Variants in HACE1 observed in about 807,000 individuals in gnomAD.
HACE1 encodes E3 ubiquitin-protein ligase HACE1.
In HACE1, 73 loss-of-function variants were observed where a neutral mutation model predicts 118.4. The ratio of observed to expected loss-of-function variants is 0.62; its 90% CI spans 0.51 to 0.75. The LOEUF is 0.75. Among genes scored for constraint, HACE1 ranks in the 30% least tolerant of loss-of-function variants. The pLI is 0.00. For synonymous variants in HACE1, 368 were observed against 374.8 expected, an observed-to-expected ratio of 0.98 and a Z score of 0.21; for missense variants, 749 against 1,102.2, an observed-to-expected ratio of 0.68 and a Z score of 4.54.
At chr6:104,783,912 T>C (rs955778136) in intron 14 of HACE1, among the ~76,000 whole-genome samples, 174 bp downstream of exon 14, 2 of 152,240 alleles carry the variant, frequency 1.3e-5, no homozygotes, top group African/African-American at 2.4e-5. Context: ...CTGTACATAG[T>C]AGGCACTCAG....
At chr6:104,855,826 A>C (rs1776665296) in intron 1 of HACE1, among the ~76,000 whole-genome samples, 2 of 152,218 alleles carry the variant, frequency 1.3e-5, no homozygotes, top group Non-Finnish European at 2.9e-5. Context: ...ACTTAAATCA[A>C]GATAAACTTT....
chr6:104,807,659 T>C (rs1339857403), intron 7 of HACE1, among the ~76,000 whole-genome samples: 2 of 152,020 alleles, frequency 1.3e-5, no homozygotes, highest in East Asian at 3.9e-4. Context: ...GAAATATTGG[T>C]AGAAGTCATA....
chr6:104,766,948 G>A (rs936663440), intron 19 of HACE1: 3 of 152,172 alleles, frequency 2.0e-5, no homozygotes, highest in African/African-American at 7.2e-5. Context: ...ATATGCTTCT[G>A]TTTCCTCACC....
chr6:104,736,224 CTTTTA>C (rs1043377891), intron 22 of HACE1, among the ~76,000 whole-genome samples: 8 of 151,420 alleles, frequency 5.3e-5, no homozygotes, highest in African/African-American at 1.9e-4. Flanking sequence ...AAAAGTTTTT[CTTTTA>C]TATTTTTAGT....
At chr6:104,737,281 T>A (rs6916033) in intron 22 of HACE1, among the ~76,000 whole-genome samples, 6 of 49,630 alleles carry the variant, frequency 1.2e-4, no homozygotes, top group African/African-American at 4.4e-4. Context: ...AGACTCTCTC[T>A]CAAAAAAAAA....
At position 104,822,040 on chromosome 6, in the gene HACE1, T is replaced by C. The variant is rs374279384; in HGVS notation, c.535-10647A>G. Among the ~76,000 whole-genome samples, 3 of 151,902 alleles carry C rather than the reference T, an allele frequency of 2.0e-5. No homozygotes were observed. In the East Asian group the frequency reaches 5.8e-4, roughly 29 times the overall value. On this transcript the variant is annotated intron_variant, in intron 6 of 23. Transcript: ENST00000262903. ...CTGGGCAACATAGTGAGACCACCATTTCTACAAAAGAAAGTCATAATTTTT... is the reference window on the plus strand; with the variant it reads ...CTGGGCAACATAGTGAGACCACCATCTCTACAAAAGAAAGTCATAATTTTT...
At chr6:104,834,005 A>T (rs1441333036) in intron 5 of HACE1, among the ~76,000 whole-genome samples, 1 of 152,126 alleles carries the variant, frequency 6.6e-6, no homozygotes, top group Non-Finnish European at 1.5e-5. Context: ...TTAGCTGGCC[A>T]TGGTGGCATA....
intron 4 of HACE1, among the ~76,000 whole-genome samples, chr6:104,847,424 T>G (rs769047341): frequency 2.0e-5 from 3 of 152,232 alleles, no homozygotes; most frequent in Non-Finnish European, 4.4e-5. Context: ...TGTGACACAT[T>G]ACAAGATATC....
intron 5 of HACE1, among the ~76,000 whole-genome samples, chr6:104,835,071 T>C (rs1370180323): frequency 6.6e-6 from 1 of 152,234 alleles, no homozygotes; most frequent in African/African-American, 2.4e-5. Context: ...ACGCAGACTG[T>C]TAACATCTTC....
chr6:104,730,610 C>T (rs189445559), intron 22 of HACE1, 194 bp from the exon 23 acceptor site: 6 of 569,144 alleles, frequency 1.1e-5, no homozygotes, highest in East Asian at 6.2e-5. Flanking sequence ...CATGGAGACA[C>T]CCCTCCACAT....
intron 6 of HACE1, among the ~76,000 whole-genome samples, chr6:104,823,312 T>C (rs1429309376): frequency 1.3e-5 from 2 of 151,936 alleles, no homozygotes; most frequent in East Asian, 3.9e-4. Flanking sequence ...TGGGCACCTG[T>C]AATCCCAGCT....
intron 20 of HACE1, among the ~76,000 whole-genome samples, chr6:104,749,549 C>T (rs12206906): frequency 0.11 from 16,816 of 152,010 alleles, 959 homozygotes; most frequent in East Asian, 0.16. Flanking sequence ...AACTAATTTT[C>T]TGAGACAGAA....
At chr6:104,750,911 T>A (rs1439290136) in intron 19 of HACE1, among the ~76,000 whole-genome samples, 1 of 152,200 alleles carries the variant, frequency 6.6e-6, no homozygotes, top group African/African-American at 2.4e-5. Context: ...GATATACATG[T>A]GTGTGTATGT....
intron 22 of HACE1, among the ~76,000 whole-genome samples, chr6:104,733,097 G>C (rs1270439072): frequency 6.6e-6 from 1 of 152,106 alleles, no homozygotes; most frequent in Non-Finnish European, 1.5e-5. Context: ...CATAAAAAGG[G>C]ATAAAAATCA....
intron 19 of HACE1, among the ~76,000 whole-genome samples, chr6:104,760,109 T>C (rs1332336434): frequency 6.6e-6 from 1 of 152,214 alleles, no homozygotes; most frequent in Non-Finnish European, 1.5e-5. Flanking sequence ...AGCCAAATTC[T>C]ACCAGAGGTA....
intron 5 of HACE1, among the ~76,000 whole-genome samples, chr6:104,839,568 G>A (rs1445878273): frequency 6.6e-6 from 1 of 152,186 alleles, no homozygotes; most frequent in Non-Finnish European, 1.5e-5. Flanking sequence ...ACATATCTCT[G>A]TGGTGTTAGA....
At chr6:104,807,557 T>C (rs1432428284) in intron 7 of HACE1, among the ~76,000 whole-genome samples, 2 of 152,120 alleles carry the variant, frequency 1.3e-5, no homozygotes, top group Admixed American at 6.6e-5. Flanking sequence ...CTGAAAACCA[T>C]TATACATCCC....
chr6:104,784,735 C>T (rs1043685172), intron 12 of HACE1, among the ~76,000 whole-genome samples: 8 of 151,880 alleles, frequency 5.3e-5, no homozygotes, highest in Admixed American at 3.9e-4. Flanking sequence ...TGCATTTCTG[C>T]TCTACACATT....
chr6:104,777,978 C>T (rs574231056), intron 14 of HACE1, among the ~76,000 whole-genome samples: 3 of 152,240 alleles, frequency 2.0e-5, no homozygotes, highest in African/African-American at 4.8e-5. Flanking sequence ...AGGCTGGTTT[C>T]GAACTCCTGA....
Sources: allele counts gnomAD v4.1 joint callset (sites outside exome capture counted in the v4.1 genomes callset), GRCh38; gene constraint gnomAD v4.1.1; transcripts MANE v1.5; gene names NCBI Gene and HGNC (gene_info 2026-07-23, HGNC 2026-07-21).